COL22A1: variants seen among roughly 807,000 people sequenced by gnomAD.
COL22A1 encodes collagen type XXII alpha 1 chain.
In COL22A1, 221 loss-of-function variants were observed where a neutral mutation model predicts 248.9. The ratio of observed to expected loss-of-function variants is 0.89; its 90% CI spans 0.80 to 0.99. The LOEUF (loss-of-function observed/expected upper bound fraction) is 0.99, where lower values mean the gene tolerates loss of function less well. Among genes scored for constraint, COL22A1 ranks in the 50% least tolerant of loss-of-function variants. COL22A1 has a pLI of 0.00. For synonymous variants in COL22A1, 891 were observed against 793.4 expected (o/e 1.12, Z -2.07); for missense variants, 2,240 against 2,179.0 (o/e 1.03, Z -0.56).
chr8:138,628,733 T>C (rs1431885996), intron 50 of COL22A1, among the ~76,000 whole-genome samples: 1 of 150,292 alleles, frequency 6.7e-6, no homozygotes, highest in Non-Finnish European at 1.5e-5. Context: ...TCCAAGAATG[T>C]GGTAGTTTTA....
At position 138,721,387 on chromosome 8, in the gene COL22A1, G is replaced by T. The variant is rs536567095; in HGVS notation, c.2302-595C>A. ...TGTTCATTTGCTAAAATACTGGTATGGTTGTATAATAATTCATTTAAAGTA... is the reference window on the plus strand; with the variant it reads ...TGTTCATTTGCTAAAATACTGGTATTGTTGTATAATAATTCATTTAAAGTA... On this transcript the variant is annotated intron_variant, in intron 26 of 64. Transcript: ENST00000303045. Among the ~76,000 whole-genome samples, 165 of 152,260 alleles carry T rather than the reference G, an allele frequency of 1.1e-3. 1 individual carries two copies. The highest frequency in any genetic ancestry group is 2.4e-3 in the Admixed American group (36 of 15,296).
intron 1 of COL22A1, among the ~76,000 whole-genome samples, chr8:138,903,921 G>A (rs893660575): frequency 1.3e-5 from 2 of 152,132 alleles, no homozygotes; most frequent in African/African-American, 4.8e-5. Context: ...GTGCCAGTGT[G>A]TGGGGGATCC....
rs772269182 is a variant in COL22A1 at position 138,607,951 on chromosome 8, G to C, written c.4017C>G (p.Gly1339=). The C allele has an allele frequency of 3.0e-5, 49 of 1,613,928 alleles. No homozygotes were observed. Among genetic ancestry groups the C allele is most frequent in the Non-Finnish European group, 3.6e-5 (43 of 1,179,964 alleles). ...GAGAACTCACAGGGGTTCCTGAAGG[G>C]CCAGGCTCTCCTGGAGATCCCGGTG... is the stretch of plus-strand genomic sequence containing the variant. ...NGSPGSPGEP[G]PSGTPGQKGS... The change falls in exon 57 of 65, where the codon GGC becomes GGG. Residue 1339 remains glycine, a synonymous_variant. Transcript: ENST00000303045.
At chr8:138,622,316 CA>C (rs1246607272) in intron 52 of COL22A1, among the ~76,000 whole-genome samples, 2 of 152,150 alleles carry the variant, frequency 1.3e-5, no homozygotes, top group Non-Finnish European at 2.9e-5. Context: ...CATTCTATTT[CA>C]AAAGAAACTG....
At chr8:138,609,617 C>A (rs552294010) in intron 56 of COL22A1, among the ~76,000 whole-genome samples, 1 of 152,334 alleles carries the variant, frequency 6.6e-6, no homozygotes, top group South Asian at 2.1e-4. Flanking sequence ...CTCCGCCCAC[C>A]AACCCATCTG....
At chr8:138,717,756 G>T (rs1829556500) in intron 27 of COL22A1, among the ~76,000 whole-genome samples, 1 of 152,190 alleles carries the variant, frequency 6.6e-6, no homozygotes, top group Admixed American at 6.5e-5. Context: ...AGGGCCAGAG[G>T]GGCTTTATCT....
In COL22A1 at chr8:138,840,164, G is replaced by A. The variant is rs540336397; in HGVS notation, c.733+3920C>T. Among the ~76,000 whole-genome samples the A allele has an allele frequency of 3.3e-5, 5 of 152,248 alleles. No homozygotes were observed. The South Asian group carries it at 8.3e-4, about 25-fold the overall frequency. On this transcript the variant is annotated intron_variant, in intron 4 of 64. Coordinates refer to ENST00000303045, the MANE Select transcript of COL22A1 (RefSeq NM_152888.3). ...CAGAAGCTGTCCCTATTACCCAATG[G>A]CATTTAAATTGGCAAATTTGAGGCT...
At chr8:138,883,493 G>A (rs987148499) in intron 1 of COL22A1, among the ~76,000 whole-genome samples, 3 of 152,200 alleles carry the variant, frequency 2.0e-5, no homozygotes, top group African/African-American at 7.2e-5. Context: ...GGGAGTAGGA[G>A]AGGGCCTTGT....
intron 3 of COL22A1, among the ~76,000 whole-genome samples, chr8:138,864,679 C>T (rs1296244860): frequency 1.3e-5 from 2 of 152,172 alleles, no homozygotes; most frequent in African/African-American, 4.8e-5. Flanking sequence ...TAGGGCCGAT[C>T]GGAGTGCAGA....
At chr8:138,887,765 G>A (rs539448339) in intron 1 of COL22A1, among the ~76,000 whole-genome samples, 183 of 152,230 alleles carry the variant, frequency 1.2e-3, no homozygotes, top group African/African-American at 4.2e-3. Flanking sequence ...AACACTTAGG[G>A]GGTCATAAGA....
chr8:138,824,683 G>T (rs1819437547), intron 6 of COL22A1, among the ~76,000 whole-genome samples: 1 of 152,030 alleles, frequency 6.6e-6, no homozygotes, highest in East Asian at 1.9e-4. Flanking sequence ...CTGTAGATCT[G>T]CCATGACTGA....
chr8:138,863,098 A>C (rs1319551131), intron 3 of COL22A1, among the ~76,000 whole-genome samples: 2 of 152,230 alleles, frequency 1.3e-5, no homozygotes, highest in Non-Finnish European at 2.9e-5. Context: ...TAAGATGTTT[A>C]AAAGATAAAA....
intron 3 of COL22A1, among the ~76,000 whole-genome samples, chr8:138,861,817 T>C (rs1822482719): frequency 6.6e-6 from 1 of 152,176 alleles, no homozygotes; most frequent in South Asian, 2.1e-4. Context: ...GAAGGGGATG[T>C]ACAGTTTGCA....
chr8:138,897,844 T>C (rs1056805329), intron 1 of COL22A1, among the ~76,000 whole-genome samples: 1 of 151,508 alleles, frequency 6.6e-6, no homozygotes, highest in Non-Finnish European at 1.5e-5. Context: ...TTTTTTGGGC[T>C]GCTGCAACAA....
chr8:138,874,982 C>G (rs1252071342), intron 3 of COL22A1, among the ~76,000 whole-genome samples: 1 of 152,142 alleles, frequency 6.6e-6, no homozygotes, highest in East Asian at 1.9e-4. Flanking sequence ...CTCAGTATCC[C>G]TTGTTGATCT....
chr8:138,696,740 A>G (rs1289397210), intron 32 of COL22A1, among the ~76,000 whole-genome samples: 1 of 152,232 alleles, frequency 6.6e-6, no homozygotes, highest in Non-Finnish European at 1.5e-5. Flanking sequence ...AGTGTTTCAC[A>G]GTGACCAATA....
At chr8:138,793,754 A>C (rs915749740) in intron 12 of COL22A1, among the ~76,000 whole-genome samples, 3 of 152,088 alleles carry the variant, frequency 2.0e-5, no homozygotes, top group Admixed American at 6.6e-5. Context: ...GTGTGAGGAG[A>C]ACAGGCATCC....
chr8:138,723,735 C>T (rs962155688), intron 25 of COL22A1, among the ~76,000 whole-genome samples: 2 of 152,216 alleles, frequency 1.3e-5, no homozygotes, highest in South Asian at 2.1e-4. Context: ...GAGTGCCCAG[C>T]GCGGCACTGA....
chr8:138,883,616 T>G (rs940866774), intron 1 of COL22A1, among the ~76,000 whole-genome samples: 15 of 152,212 alleles, frequency 9.9e-5, no homozygotes, highest in African/African-American at 3.6e-4. Flanking sequence ...TCGGAGGTGA[T>G]TGGATCATGG....
Sources: gnomAD v4.1 joint callset for allele counts (sites outside exome capture counted in the v4.1 genomes callset) on GRCh38, gnomAD v4.1.1 for gene constraint, MANE v1.5 for transcripts, NCBI Gene and HGNC (gene_info 2026-07-23, HGNC 2026-07-21) for gene names.